SORCS1: variants seen among roughly 807,000 people sequenced by gnomAD.
SORCS1 encodes the protein sortilin related VPS10 domain containing receptor 1, also known as VPS10 domain-containing receptor SorCS1.
Under a neutral mutation model 146.1 loss-of-function variants are expected in SORCS1, and 60 were observed. The observed-to-expected ratio is 0.41, with a 90% CI of 0.33 to 0.51. The LOEUF is 0.51. Among genes scored for constraint, SORCS1 ranks in the 20% least tolerant of loss-of-function variants. SORCS1 has a pLI of 0.21. For synonymous variants in SORCS1, 637 were observed against 584.0 expected, an observed-to-expected ratio of 1.09 and a Z score of -1.31; for missense variants, 1,352 against 1,487.6, an observed-to-expected ratio of 0.91 and a Z score of 1.50.
intron 2 of SORCS1, among the ~76,000 whole-genome samples, chr10:106,939,901 C>A (rs1953943540): frequency 6.6e-6 from 1 of 152,248 alleles, no homozygotes; most frequent in African/African-American, 2.4e-5. Flanking sequence ...CAGTGCCACA[C>A]ATACCTCTGG....
chr10:106,615,879 C>A (rs564530249), intron 21 of SORCS1, among the ~76,000 whole-genome samples: 11 of 152,224 alleles, frequency 7.2e-5, no homozygotes, highest in Admixed American at 1.3e-4. Flanking sequence ...GAGGTGCTTA[C>A]AAACATACCC....
chr10:106,622,841 C>T (rs906275308), intron 19 of SORCS1, among the ~76,000 whole-genome samples: 2 of 152,168 alleles, frequency 1.3e-5, no homozygotes, highest in African/African-American at 4.8e-5. Flanking sequence ...GGTTTCAGAG[C>T]CCTTGTTCTG....
At chr10:107,030,208 C>A (rs185333393) in intron 1 of SORCS1, among the ~76,000 whole-genome samples, 1 of 152,100 alleles carries the variant, frequency 6.6e-6, no homozygotes, top group Non-Finnish European at 1.5e-5. Context: ...ACCAGGTGAC[C>A]GCAGAGAAGC....
At chr10:106,997,185 A>T (rs1482486257) in intron 1 of SORCS1, among the ~76,000 whole-genome samples, 3 of 152,108 alleles carry the variant, frequency 2.0e-5, no homozygotes, top group African/African-American at 4.8e-5. Context: ...GGCAAGAACC[A>T]TCCATTACTT....
intron 23 of SORCS1, among the ~76,000 whole-genome samples, chr10:106,603,285 C>A (rs953563673): frequency 2.0e-5 from 3 of 152,136 alleles, no homozygotes; most frequent in African/African-American, 7.2e-5. Flanking sequence ...CAGCAGCACG[C>A]GCTCCCCTTG....
At chr10:107,179,051 T>A in the SORCS1 span, among the ~76,000 whole-genome samples, 7 of 152,180 alleles carry the variant, frequency 4.6e-5, no homozygotes, top group Non-Finnish European at 1.0e-4. Flanking sequence ...TTGTTATCCA[T>A]GATGGCTGTA....
intron 1 of SORCS1, among the ~76,000 whole-genome samples, chr10:107,057,573 T>C (rs898902339): frequency 1.3e-5 from 2 of 152,126 alleles, no homozygotes; most frequent in African/African-American, 4.8e-5. Context: ...TTTCCACACT[T>C]GAGCTGTCAC....
At chr10:106,938,754 T>C (rs1335323127) in intron 2 of SORCS1, among the ~76,000 whole-genome samples, 1 of 152,178 alleles carries the variant, frequency 6.6e-6, no homozygotes, top group Non-Finnish European at 1.5e-5. Context: ...CAAATCCCTA[T>C]GTCATATCAG....
chr10:107,028,705 A>G lies in SORCS1; in HGVS notation c.559-72125T>C, dbSNP rs191687174. ...GTTGTAGAAACCAACCAACAATCCA[A>G]CCATGGAAACAGTGTTTTAATTATG... On this transcript the variant is annotated intron_variant, in intron 1 of 25. Coordinates refer to ENST00000263054, the MANE Select transcript of SORCS1 (RefSeq NM_052918.5). Among the ~76,000 whole-genome samples the G allele has an allele frequency of 2.0e-5, 3 of 152,256 alleles. No individual in the cohort carries two copies. In the East Asian group the frequency reaches 5.8e-4, roughly 29 times the overall value.
intron 1 of SORCS1, among the ~76,000 whole-genome samples, chr10:107,003,434 G>GTC (rs1241718563): frequency 1.8e-5 from 1 of 56,858 alleles, no homozygotes; most frequent in African/African-American, 2.0e-4. Context: ...CCATAAGTGT[G>GTC]TGTGTGTGTG....
intron 1 of SORCS1, among the ~76,000 whole-genome samples, chr10:107,154,458 T>C (rs1969111502): frequency 6.6e-6 from 1 of 152,220 alleles, no homozygotes; most frequent in African/African-American, 2.4e-5. Flanking sequence ...ATAATCAACC[T>C]TTTAATGACT....
At chr10:106,988,263 T>C (rs975425781) in intron 1 of SORCS1, among the ~76,000 whole-genome samples, 1 of 152,260 alleles carries the variant, frequency 6.6e-6, no homozygotes, top group Non-Finnish European at 1.5e-5. Context: ...TTCCAAGTTC[T>C]AAAACGTTGG....
At chr10:107,053,362 C>G (rs1375836800) in intron 1 of SORCS1, among the ~76,000 whole-genome samples, 1 of 152,048 alleles carries the variant, frequency 6.6e-6, no homozygotes, top group Non-Finnish European at 1.5e-5. Flanking sequence ...TACTGGAAGC[C>G]TTTAAAATAT....
chr10:106,620,258 G>GAA (rs1847650011), intron 20 of SORCS1, 170 bp downstream of exon 20: 8 of 733,932 alleles, frequency 1.1e-5, no homozygotes, highest in Non-Finnish European at 1.6e-5. Flanking sequence ...CAGAGAGAGA[G>GAA]AGAGAGAGAA....
At chr10:107,019,214 T>TA (rs1958029687) in intron 1 of SORCS1, among the ~76,000 whole-genome samples, 1 of 152,234 alleles carries the variant, frequency 6.6e-6, no homozygotes, top group African/African-American at 2.4e-5. Flanking sequence ...CTGTATTTTT[T>TA]AAAAAATAAA....
chr10:106,828,582 C>T (rs1948399004), intron 3 of SORCS1, among the ~76,000 whole-genome samples: 2 of 152,166 alleles, frequency 1.3e-5, no homozygotes, highest in African/African-American at 4.8e-5. Context: ...TCAGTGCTAC[C>T]TTCATAACAC....
At chr10:106,978,851 A>T (rs1022448564) in intron 1 of SORCS1, among the ~76,000 whole-genome samples, 8 of 152,086 alleles carry the variant, frequency 5.3e-5, no homozygotes, top group African/African-American at 1.9e-4. Context: ...GGACCACAAG[A>T]TGTTTGTCAT....
At chr10:106,934,592 T>C (rs1336537869) in intron 2 of SORCS1, among the ~76,000 whole-genome samples, 1 of 152,136 alleles carries the variant, frequency 6.6e-6, no homozygotes, top group Non-Finnish European at 1.5e-5. Context: ...TAAAAGTAGA[T>C]CTACCATTCA....
chr10:107,055,135 A>T (rs1379831197), intron 1 of SORCS1, among the ~76,000 whole-genome samples: 3 of 152,214 alleles, frequency 2.0e-5, no homozygotes, highest in Admixed American at 6.5e-5. Context: ...TGGAGAGAGA[A>T]GGAGGTGTCT....
Sources: allele counts gnomAD v4.1 joint callset (sites outside exome capture counted in the v4.1 genomes callset), GRCh38; gene constraint gnomAD v4.1.1; transcripts MANE v1.5; gene names NCBI Gene and HGNC (gene_info 2026-07-23, HGNC 2026-07-21).